The following LOXL1 variants were observed in gnomAD, a reference collection of about 807,000 sequenced individuals.
LOXL1 encodes the protein lysyl oxidase homolog 1.
In LOXL1, 31 loss-of-function variants were observed where a neutral mutation model predicts 62.2. The ratio of observed to expected loss-of-function variants is 0.50; its 90% CI spans 0.37 to 0.67. The LOEUF is 0.67. LOXL1 is among the 30% of genes least tolerant of loss of function. The pLI, the probability that LOXL1 is intolerant of heterozygous loss-of-function variation, is 0.00. For synonymous variants in LOXL1, 403 were observed against 384.4 expected (o/e 1.05, Z -0.56); for missense variants, 775 against 843.4 (o/e 0.92, Z 1.00).
In LOXL1 at chr15:73,946,432, T is replaced by C; in HGVS notation, c.1227T>C (p.Pro409=). ...GTCCCTGCAGCACAGCCTATGCCCC[T>C]GAGGCCACCGACTACGATGTGCGGG... ...EKCLASTAYA[P]EATDYDVRVL... The change falls in exon 3 of 7, where the codon CCT becomes CCC. Residue 409 remains proline (P), a synonymous_variant. Transcript: ENST00000261921. The C allele has an allele frequency of 6.5e-7, 1 of 1,542,072 alleles. No homozygotes were observed. Among genetic ancestry groups the C allele is most frequent in the African/African-American group, 1.4e-5 (1 of 71,102 alleles).
rs1282898192 is a variant in LOXL1, at chr15:73,945,735, AG to A, written c.1212-677del. Reference sequence around the variant, plus strand: ...ACTTTTTTTTTTCTTTTTTTTAGAAAGGGGGTCTCACTCTGTTGCCCAGACT... The same window carrying A: ...ACTTTTTTTTTTCTTTTTTTTAGAAAGGGGTCTCACTCTGTTGCCCAGACT... On this transcript the variant is annotated intron_variant, in intron 2 of 6. Transcript: ENST00000261921. This position sits in a 1 kb window ranked among gnomAD's most constrained non-coding sequence, Gnocchi z 4.3. Among the ~76,000 whole-genome samples, 1 of 151,794 alleles carries A rather than the reference AG, an allele frequency of 6.6e-6. No individual in the cohort carries two copies. Among genetic ancestry groups the A allele is most frequent in the Non-Finnish European group, 1.5e-5 (1 of 67,952 alleles).
chr15:73,930,023 C>T lies in LOXL1; in HGVS notation c.1102+2138C>T, dbSNP rs1008862044. On this transcript the variant is annotated intron_variant, in intron 1 of 6. Transcript: ENST00000261921. This position sits in a 1 kb window ranked among gnomAD's most constrained non-coding sequence, Gnocchi z 4.7. Reference sequence around the variant, plus strand: ...TGGGGGTGCTTGGTGCTTAGCAGACCTCTGGCCACTACCCTGAGCCCCACA... The same window carrying T: ...TGGGGGTGCTTGGTGCTTAGCAGACTTCTGGCCACTACCCTGAGCCCCACA... 6.6e-6 allele frequency among the ~76,000 whole-genome samples: 1 copy of T among 152,204 alleles called. No individual in the cohort carries two copies. The highest frequency in any genetic ancestry group is 1.5e-5 in the Non-Finnish European group (1 of 68,034).
intron 6 of LOXL1, among the ~76,000 whole-genome samples, chr15:73,950,762 G>C (rs1182642774): frequency 1.3e-5 from 2 of 152,234 alleles, no homozygotes; most frequent in Non-Finnish European, 2.9e-5. Flanking sequence ...TGTGACCAGA[G>C]CCAGGCTCAT....
rs1343196533 is a variant in LOXL1, at chr15:73,926,720, A to T, written c.-64A>T. On this transcript the variant is annotated 5_prime_UTR_variant, in exon 1 of 7. It adds an upstream start codon to the 5' untranslated region. Coordinates refer to ENST00000261921, the MANE Select transcript of LOXL1 (RefSeq NM_005576.4). The stretch of plus-strand genomic sequence containing the variant: ...CTGTCCTCGAGGCCGTGGGAAGAGA[A>T]GCACGCCCAGGGGGCCACTCCTGAG... The T allele has an allele frequency of 2.2e-6, 3 of 1,354,820 alleles. No individual in the cohort carries two copies. The highest frequency in any genetic ancestry group is 2.9e-6 in the Non-Finnish European group (3 of 1,049,038). 83.9% of individuals were successfully genotyped at this position (1,354,820 alleles called of 1,614,324 possible). A position where few individuals can be genotyped will look rare whatever the true frequency, so the allele number is the denominator to read the frequency against.
In LOXL1 at chr15:73,945,625, G is replaced by A. The variant is rs2068742021; in HGVS notation, c.1212-792G>A. Reference sequence around the variant, plus strand: ...AGAGGACTTCACGTCTGTTTTTCAGGCCCACACCCAAGACATGGCATACTT... The same window carrying A: ...AGAGGACTTCACGTCTGTTTTTCAGACCCACACCCAAGACATGGCATACTT... On this transcript the variant is annotated intron_variant, in intron 2 of 6. Transcript: ENST00000261921. This position sits in a 1 kb window ranked among gnomAD's most constrained non-coding sequence, Gnocchi z 4.3. Among the ~76,000 whole-genome samples the A allele has an allele frequency of 6.6e-6, 1 of 152,138 alleles. No individual in the cohort carries two copies.
Position 73,926,876 on chromosome 15 carries a change from G to C in LOXL1, c.93G>C (p.Gly31=), listed in dbSNP as rs556999748. Residue 31 remains glycine (G), a synonymous_variant, in exon 1 of 7, where the codon GGG becomes GGC. Coordinates refer to ENST00000261921, the MANE Select transcript of LOXL1 (RefSeq NM_005576.4). ...VLVHGQQAQP[G]QGSDPARWRQ... ...TGCACGGGCAGCAGGCGCAGCCCGG[G>C]CAGGGCTCGGACCCCGCCCGCTGGC... The C allele has an allele frequency of 2.2e-5, 35 of 1,556,472 alleles. No homozygotes were observed. The highest frequency in any genetic ancestry group is 1.8e-4 in the Admixed American group (9 of 51,222).
At chr15:73,950,682 T>G (rs559259758) in intron 6 of LOXL1, among the ~76,000 whole-genome samples, 1 of 152,030 alleles carries the variant, frequency 6.6e-6, no homozygotes, top group Non-Finnish European at 1.5e-5. Flanking sequence ...GCTCAGTGTG[T>G]GACCAGGATC....
In LOXL1 at chr15:73,931,570, T is replaced by C. The variant is rs534847286; in HGVS notation, c.1102+3685T>C. Among the ~76,000 whole-genome samples, 3 of 152,258 alleles carry C rather than the reference T, an allele frequency of 2.0e-5. No homozygotes were observed. In the South Asian group the frequency reaches 6.2e-4, roughly 32 times the overall value. ...GGACCATGCTGCTCGTGGGCCTAGA[T>C]GTTACACCTCCCTAGACACATGCAA... is the stretch of plus-strand genomic sequence containing the variant. On this transcript the variant is annotated intron_variant, in intron 1 of 6. Transcript: ENST00000261921.
At chr15:73,929,248 G>C (rs1164147137) in intron 1 of LOXL1, among the ~76,000 whole-genome samples, 2 of 152,234 alleles carry the variant, frequency 1.3e-5, no homozygotes, top group East Asian at 3.8e-4. Flanking sequence ...CTTTCAAGCT[G>C]TCGTCAGTTT....
intron 1 of LOXL1, among the ~76,000 whole-genome samples, chr15:73,933,619 C>T (rs981091325): frequency 6.6e-6 from 1 of 152,250 alleles, no homozygotes; most frequent in Admixed American, 6.5e-5. Context: ...CCTCTGCTCT[C>T]AGAAGGTGTA....
At chr15:73,942,221 T>TCCTG (rs930610975) in intron 1 of LOXL1, among the ~76,000 whole-genome samples, 21 of 151,982 alleles carry the variant, frequency 1.4e-4, no homozygotes, top group Non-Finnish European at 2.8e-4. Flanking sequence ...AGGCTGAGAA[T>TCCTG]CCTGCCCTGT....
intron 1 of LOXL1, among the ~76,000 whole-genome samples, chr15:73,931,524 CA>C (rs2068635629): frequency 1.3e-5 from 2 of 152,128 alleles, no homozygotes; most frequent in African/African-American, 4.8e-5. Context: ...CTCCTTTTCT[CA>C]AGCCTCCACA....
chr15:73,931,661 A>G (rs1595843908), intron 1 of LOXL1, among the ~76,000 whole-genome samples: 1 of 152,010 alleles, frequency 6.6e-6, no homozygotes, highest in African/African-American at 2.4e-5. Context: ...ACCTGTCTGG[A>G]CCCTCAGTCC....
At chr15:73,940,359 A>T (rs1003854710) in intron 1 of LOXL1, among the ~76,000 whole-genome samples, 1 of 151,970 alleles carries the variant, frequency 6.6e-6, no homozygotes, top group Non-Finnish European at 1.5e-5. Context: ...CTCCACATGC[A>T]GTACTCTACA....
intron 1 of LOXL1, among the ~76,000 whole-genome samples, chr15:73,935,141 T>A (rs1004616457): frequency 6.6e-6 from 1 of 152,192 alleles, no homozygotes; most frequent in Non-Finnish European, 1.5e-5. Context: ...ACTCAGCGTT[T>A]GAGCTGAGTA....
chr15:73,940,035 A>G (rs2068702954), intron 1 of LOXL1, among the ~76,000 whole-genome samples: 1 of 152,180 alleles, frequency 6.6e-6, no homozygotes, highest in Non-Finnish European at 1.5e-5. Flanking sequence ...CCTCAAAACA[A>G]AAGTTGCTCC....
intron 1 of LOXL1, among the ~76,000 whole-genome samples, chr15:73,937,440 G>C (rs4243041): frequency 0.98 from 148,590 of 152,338 alleles, 72,477 homozygotes; most frequent in East Asian, 1. Flanking sequence ...CCCTGGGACC[G>C]TATTCCCTCG....
chr15:73,948,894 T>C (rs893821), intron 5 of LOXL1, among the ~76,000 whole-genome samples: 35,346 of 152,184 alleles, frequency 0.23, 4,439 homozygotes, highest in East Asian at 0.35. Flanking sequence ...CATCTGTTCT[T>C]AGATGTTCTG....
At chr15:73,938,300 T>TATCG (rs2068689353) in intron 1 of LOXL1, among the ~76,000 whole-genome samples, 1 of 151,284 alleles carries the variant, frequency 6.6e-6, no homozygotes, top group African/African-American at 2.4e-5. Flanking sequence ...TCTATCTATC[T>TATCG]ATCTATCTAT....
Sources: gnomAD v4.1 joint callset for allele counts (sites outside exome capture counted in the v4.1 genomes callset) on GRCh38, gnomAD v4.1.1 for gene constraint, Gnocchi (gnomAD v3.1) non-coding constraint, MANE v1.5 for transcripts, NCBI Gene and HGNC (gene_info 2026-07-23, HGNC 2026-07-21) for gene names.